ALDH6A1: variants seen among roughly 807,000 people sequenced by gnomAD.
ALDH6A1 encodes the protein methylmalonate-semialdehyde/malonate-semialdehyde dehydrogenase [acylating], mitochondrial.
ALDH6A1 carries 43 observed loss-of-function variants against 62.6 expected under a neutral mutation model. The observed-to-expected ratio is 0.69, with a 90% CI of 0.54 to 0.89. The LOEUF (loss-of-function observed/expected upper bound fraction) is 0.89, where lower values mean the gene tolerates loss of function less well. Ranked by LOEUF, ALDH6A1 falls within the 40% of genes least tolerant of loss-of-function variation. The pLI is 0.00. For synonymous variants in ALDH6A1, 194 were observed against 234.2 expected (o/e 0.83, Z 1.57); for missense variants, 551 against 661.3 (o/e 0.83, Z 1.83).
Position 74,061,373 on chromosome 14 carries a change from C to T in ALDH6A1, c.1504-627G>A, listed in dbSNP as rs558284354. Among the ~76,000 whole-genome samples, 205 of 152,196 alleles carry T rather than the reference C, an allele frequency of 1.3e-3. 1 individual carries two copies. The highest frequency in any genetic ancestry group is 4.7e-3 in the African/African-American group (197 of 41,526). Reference sequence around the variant, plus strand: ...CTGGAGTGCAGTGGTGTGATCTTGGCTCACTGCAACCTCTGCCTCCCAGGT... The same window carrying T: ...CTGGAGTGCAGTGGTGTGATCTTGGTTCACTGCAACCTCTGCCTCCCAGGT... On this transcript the variant is annotated intron_variant, in intron 11 of 11. Coordinates refer to ENST00000553458, the MANE Select transcript of ALDH6A1 (RefSeq NM_005589.4).
intron 1 of ALDH6A1, 120 bp downstream of exon 1, chr14:74,084,227 G>T: frequency 6.9e-7 from 1 of 1,452,552 alleles, no homozygotes; most frequent in Non-Finnish European, 9.5e-7. Flanking sequence ...AGGTCGGGTA[G>T]GAGGTCTGGC....
At chr14:74,072,013 T>C (rs190047510) in intron 4 of ALDH6A1, 39 bp from the exon 5 acceptor site, 2 of 1,601,948 alleles carry the variant, frequency 1.2e-6, no homozygotes, top group East Asian at 4.5e-5. Flanking sequence ...AATGCAAGAA[T>C]GTTCCTCTTT....
Position 74,068,927 on chromosome 14 carries a change from G to A in ALDH6A1, c.785C>T (p.Ser262Phe). The change falls in exon 7 of 12, where the codon TCC becomes TTC. Residue 262 changes from serine to phenylalanine, a missense_variant. Physicochemically the swap from Ser to Phe is radical, Grantham distance 155. Transcript: ENST00000553458. ...PDIKAISFVG[S>F]NKAGEYIFER... ...GAAGATATACTCTCCTGCCTTGTTG[G>A]ATCCCACAAAGCTGATTGCTTTGAT... The A allele has an allele frequency of 6.2e-7, 1 of 1,613,934 alleles. No individual in the cohort carries two copies. The highest frequency in any genetic ancestry group is 8.5e-7 in the Non-Finnish European group (1 of 1,179,950).
At chr14:74,071,549 T>G (rs745830709) in intron 5 of ALDH6A1, 52 bp from the exon 6 acceptor site, 1 of 1,612,172 alleles carries the variant, frequency 6.2e-7, no homozygotes, top group Non-Finnish European at 8.5e-7. Flanking sequence ...ACTAGTTAGC[T>G]TTGTCCTGTT....
chr14:74,075,898 A>C (rs2060607787), intron 1 of ALDH6A1, among the ~76,000 whole-genome samples: 1 of 152,154 alleles, frequency 6.6e-6, no homozygotes, highest in African/African-American at 2.4e-5. Context: ...ACTACTCAGC[A>C]AAAAAAGGAA....
intron 6 of ALDH6A1, among the ~76,000 whole-genome samples, chr14:74,070,208 T>C (rs746711279): frequency 6.6e-6 from 1 of 152,084 alleles, no homozygotes; most frequent in Non-Finnish European, 1.5e-5. Context: ...TACTGAACCC[T>C]TCTTTTTTGT....
intron 10 of ALDH6A1, 75 bp from the exon 11 acceptor site, chr14:74,064,995 A>T: frequency 6.9e-7 from 1 of 1,455,032 alleles, no homozygotes; most frequent in East Asian, 2.4e-5. Context: ...GGCATCAGAG[A>T]CCAGTTTTAA....
rs752103405 is a variant in ALDH6A1 at position 74,057,314 on chromosome 14, C to T, written c.*3328G>A. ...ATATTGTTGTCACCCTTCCCCATGTCGCTTCTTGCTAAATCACGGTTATTT... is the reference window on the plus strand; with the variant it reads ...ATATTGTTGTCACCCTTCCCCATGTTGCTTCTTGCTAAATCACGGTTATTT... On this transcript the variant is annotated 3_prime_UTR_variant, in exon 12 of 12. Coordinates refer to ENST00000553458, the MANE Select transcript of ALDH6A1 (RefSeq NM_005589.4). 7.6e-5 allele frequency: 122 copies of T among 1,610,594 alleles called. No homozygotes were observed. The highest frequency in any genetic ancestry group is 9.2e-5 in the Non-Finnish European group (108 of 1,178,388).
intron 1 of ALDH6A1, among the ~76,000 whole-genome samples, chr14:74,079,571 T>C (rs2060651243): frequency 6.6e-6 from 1 of 152,022 alleles, no homozygotes; most frequent in Admixed American, 6.5e-5. Flanking sequence ...TAACTGGGAC[T>C]ACAGGCGCCC....
chr14:74,071,719 A>G (rs1019656598), intron 5 of ALDH6A1, 177 bp downstream of exon 5: 3 of 1,468,788 alleles, frequency 2.0e-6, no homozygotes, highest in Non-Finnish European at 2.8e-6. Flanking sequence ...TTGAGTAAAG[A>G]GTAAAGTAAA....
chr14:74,069,849 C>CTT (rs1566831977), intron 6 of ALDH6A1, among the ~76,000 whole-genome samples: 15 of 135,776 alleles, frequency 1.1e-4, no homozygotes, highest in Non-Finnish European at 2.0e-4. Context: ...TCTAATCTAA[C>CTT]CTTTTTTTTT....
intron 11 of ALDH6A1, among the ~76,000 whole-genome samples, chr14:74,061,314 TA>T: frequency 6.6e-6 from 1 of 151,178 alleles, no homozygotes; most frequent in Non-Finnish European, 1.5e-5. Flanking sequence ...TTTATTTATT[TA>T]TTTTGAGACA....
chr14:74,074,319 G>C (rs1370283101), intron 2 of ALDH6A1, among the ~76,000 whole-genome samples: 1 of 133,910 alleles, frequency 7.5e-6, no homozygotes, highest in Non-Finnish European at 1.6e-5. Flanking sequence ...ACGGAGTCTC[G>C]CTCTGTCATC....
chr14:74,083,852 T>A (rs2060694320), intron 1 of ALDH6A1, among the ~76,000 whole-genome samples: 1 of 152,126 alleles, frequency 6.6e-6, no homozygotes, highest in South Asian at 2.1e-4. Context: ...ACACTGACCC[T>A]CGCCCCTCGC....
chr14:74,078,758 AC>A (rs2060640175), intron 1 of ALDH6A1, among the ~76,000 whole-genome samples: 1 of 151,366 alleles, frequency 6.6e-6, no homozygotes, highest in Non-Finnish European at 1.5e-5. Context: ...CAAACTCCTG[AC>A]CTCAAGTGAT....
At chr14:74,073,917 C>CAAA (rs5809643) in intron 2 of ALDH6A1, among the ~76,000 whole-genome samples, 6 of 76,982 alleles carry the variant, frequency 7.8e-5, no homozygotes, top group African/African-American at 3.2e-4. Flanking sequence ...GACTCCATCT[C>CAAA]AAAAAAAAAA....
intron 7 of ALDH6A1, among the ~76,000 whole-genome samples, chr14:74,068,353 T>C (rs907305730): frequency 6.0e-5 from 9 of 151,096 alleles, no homozygotes; most frequent in Non-Finnish European, 1.0e-4. Context: ...CACTCTAGCC[T>C]GGGTGACAGA....
At chr14:74,072,083 G>A in intron 4 of ALDH6A1, 109 bp from the exon 5 acceptor site, 7 of 1,568,598 alleles carry the variant, frequency 4.5e-6, no homozygotes, top group Middle Eastern at 1.7e-4. Context: ...AAGGGAGAGA[G>A]TCATGATCAA....
At chr14:74,071,553 T>C in intron 5 of ALDH6A1, 56 bp from the exon 6 acceptor site, 2 of 1,612,022 alleles carry the variant, frequency 1.2e-6, no homozygotes, top group Non-Finnish European at 1.7e-6. Context: ...GTTAGCTTTG[T>C]CCTGTTCTCT....
Sources: gnomAD v4.1 joint callset for allele counts (sites outside exome capture counted in the v4.1 genomes callset) on GRCh38, gnomAD v4.1.1 for gene constraint, MANE v1.5 for transcripts, NCBI Gene and HGNC (gene_info 2026-07-23, HGNC 2026-07-21) for gene names.